Variants in CACNA2D3 observed in about 807,000 individuals in gnomAD.
CACNA2D3 encodes the protein voltage-dependent calcium channel subunit alpha-2/delta-3.
A neutral mutation model predicts 160.6 loss-of-function variants in CACNA2D3; 60 were observed. The ratio of observed to expected loss-of-function variants is 0.37; its 90% CI spans 0.30 to 0.46. CACNA2D3 has a LOEUF of 0.46. Among genes scored for constraint, CACNA2D3 ranks in the 20% least tolerant of loss-of-function variants. The probability of loss-of-function intolerance (pLI) is 1.00; values close to 1 mark genes in which losing one functional copy is unlikely to be tolerated. For missense variants in CACNA2D3, 1,205 were observed against 1,365.0 expected (o/e 0.88, Z 1.85); for synonymous variants, 558 against 492.9 (o/e 1.13, Z -1.75).
intron 2 of CACNA2D3, among the ~76,000 whole-genome samples, chr3:54,234,797 G>A (rs1188382166): frequency 1.3e-5 from 2 of 152,122 alleles, no homozygotes; most frequent in Non-Finnish European, 2.9e-5. Flanking sequence ...TTATAAGTGG[G>A]AGCTAAATGA....
chr3:54,457,915 G>C (rs772893616), intron 4 of CACNA2D3, among the ~76,000 whole-genome samples: 1 of 151,864 alleles, frequency 6.6e-6, no homozygotes, highest in African/African-American at 2.4e-5. Flanking sequence ...CTCACGTTTA[G>C]TTTCTATTTG....
At position 54,445,922 on chromosome 3, in the gene CACNA2D3, G is replaced by A. The variant is rs932714067; in HGVS notation, c.382-57570G>A. Among the ~76,000 whole-genome samples the A allele has an allele frequency of 3.9e-5, 6 of 152,082 alleles. 1 individual carries two copies. The South Asian group carries it at 6.2e-4, about 16-fold the overall frequency. ...GAAAGAGGAACTGCTTTGTTCCTGTGGTCTCTCCAGTGCCTGTCCTAAAAG... is the reference window on the plus strand; with the variant it reads ...GAAAGAGGAACTGCTTTGTTCCTGTAGTCTCTCCAGTGCCTGTCCTAAAAG... On this transcript the variant is annotated intron_variant, in intron 4 of 37. Coordinates refer to ENST00000474759, the MANE Select transcript of CACNA2D3 (RefSeq NM_018398.3).
intron 12 of CACNA2D3, among the ~76,000 whole-genome samples, chr3:54,759,731 C>G (rs1045800855): frequency 5.3e-5 from 8 of 152,202 alleles, no homozygotes; most frequent in African/African-American, 1.7e-4. Context: ...TCCCCATCCT[C>G]AGAGTTCCCC....
chr3:54,788,614 G>C (rs995338355), intron 13 of CACNA2D3, among the ~76,000 whole-genome samples: 5 of 152,262 alleles, frequency 3.3e-5, no homozygotes, highest in Middle Eastern at 3.4e-3. Context: ...AATTTCTGAG[G>C]CTCCTTGACA....
chr3:54,968,262 T>C (rs1336313653), intron 27 of CACNA2D3, among the ~76,000 whole-genome samples, 188 bp from the exon 28 acceptor site: 2 of 152,226 alleles, frequency 1.3e-5, no homozygotes, highest in Admixed American at 1.3e-4. Context: ...TCGAGAGTTC[T>C]GTGAGTGCAG....
chr3:55,028,741 A>G (rs1040927642), intron 35 of CACNA2D3, among the ~76,000 whole-genome samples: 3 of 152,222 alleles, frequency 2.0e-5, no homozygotes, highest in African/African-American at 7.2e-5. Flanking sequence ...TTTCTAAGGT[A>G]AATTAGGTTT....
chr3:54,776,201 G>C (rs1231882497), intron 13 of CACNA2D3, among the ~76,000 whole-genome samples: 1 of 152,176 alleles, frequency 6.6e-6, no homozygotes, highest in Non-Finnish European at 1.5e-5. Context: ...ATCAGCCAGG[G>C]CTATGGATAA....
intron 34 of CACNA2D3, among the ~76,000 whole-genome samples, chr3:55,013,822 G>C (rs1306034625): frequency 1.3e-5 from 2 of 152,256 alleles, no homozygotes; most frequent in Non-Finnish European, 2.9e-5. Context: ...CTTTTCAAAT[G>C]GCAAATCTAT....
chr3:54,558,055 G>C (rs1295101995), intron 5 of CACNA2D3, among the ~76,000 whole-genome samples: 1 of 152,220 alleles, frequency 6.6e-6, no homozygotes, highest in African/African-American at 2.4e-5. Flanking sequence ...CTGGAAAGGT[G>C]TAGACAGCTG....
intron 23 of CACNA2D3, among the ~76,000 whole-genome samples, chr3:54,887,639 T>A (rs929648590): frequency 3.9e-5 from 6 of 152,104 alleles, no homozygotes; most frequent in Admixed American, 2.6e-4. Context: ...TACTGGCTTC[T>A]GGTCTCCAAA....
At chr3:54,975,945 G>A (rs530465932) in intron 29 of CACNA2D3, among the ~76,000 whole-genome samples, 43 of 151,860 alleles carry the variant, frequency 2.8e-4, no homozygotes, top group Non-Finnish European at 5.1e-4. Context: ...CAGACACTTG[G>A]TACATTGATT....
intron 13 of CACNA2D3, among the ~76,000 whole-genome samples, chr3:54,793,756 A>T (rs571646151): frequency 2.6e-5 from 4 of 152,134 alleles, no homozygotes; most frequent in Non-Finnish European, 1.5e-5. Flanking sequence ...ATGAGTTGGG[A>T]TGTATTTCCT....
intron 2 of CACNA2D3, among the ~76,000 whole-genome samples, chr3:54,220,419 T>C (rs899020513): frequency 2.0e-5 from 3 of 152,180 alleles, no homozygotes; most frequent in Non-Finnish European, 2.9e-5. Context: ...GCTGAGATGC[T>C]AATGTAGCAC....
intron 27 of CACNA2D3, among the ~76,000 whole-genome samples, chr3:54,954,760 T>A (rs1701838815): frequency 6.6e-6 from 1 of 152,264 alleles, no homozygotes; most frequent in Admixed American, 6.5e-5. Context: ...TTCCTGTGTG[T>A]CCTCCCTTCC....
chr3:54,718,583 A>T (rs1221952768), intron 11 of CACNA2D3, among the ~76,000 whole-genome samples: 1 of 151,738 alleles, frequency 6.6e-6, no homozygotes, highest in Non-Finnish European at 1.5e-5. Context: ...CTTGAGTTTT[A>T]TGTAAGTCCT....
chr3:54,611,290 T>G (rs1453198026), intron 9 of CACNA2D3, among the ~76,000 whole-genome samples: 1 of 152,242 alleles, frequency 6.6e-6, no homozygotes, highest in Non-Finnish European at 1.5e-5. Context: ...TGTTTCTAAT[T>G]GTCAACCCTT....
chr3:54,171,888 G>T (rs1700578910), intron 2 of CACNA2D3, among the ~76,000 whole-genome samples: 1 of 152,148 alleles, frequency 6.6e-6, no homozygotes, highest in South Asian at 2.1e-4. Context: ...CTGTCTGTCT[G>T]CATCTCCAAC....
At chr3:54,516,591 G>A (rs748487365) in intron 5 of CACNA2D3, among the ~76,000 whole-genome samples, 3 of 152,246 alleles carry the variant, frequency 2.0e-5, no homozygotes, top group Non-Finnish European at 2.9e-5. Flanking sequence ...CAATAAAATG[G>A]CCTACAGAGA....
At chr3:54,463,635 G>T (rs1700551469) in intron 4 of CACNA2D3, among the ~76,000 whole-genome samples, 1 of 152,106 alleles carries the variant, frequency 6.6e-6, no homozygotes, top group Non-Finnish European at 1.5e-5. Flanking sequence ...GCTCCTTTAA[G>T]CACTTCTCTA....
Sources: allele counts gnomAD v4.1 joint callset (sites outside exome capture counted in the v4.1 genomes callset), GRCh38; gene constraint gnomAD v4.1.1; transcripts MANE v1.5; gene names NCBI Gene and HGNC (gene_info 2026-07-23, HGNC 2026-07-21).